The following TESC variants were observed in gnomAD, a reference collection of about 807,000 sequenced individuals.
TESC encodes calcineurin B homologous protein 3.
In TESC, 19 loss-of-function variants were observed where a neutral mutation model predicts 31.0. The observed-to-expected ratio is 0.61, with a 90% CI of 0.43 to 0.90. The LOEUF is 0.90. Ranked by LOEUF, TESC falls within the 40% of genes least tolerant of loss-of-function variation. TESC has a pLI of 0.00. For synonymous variants in TESC, 109 were observed against 114.8 expected (o/e 0.95, Z 0.32); for missense variants, 248 against 303.8 (o/e 0.82, Z 1.36).
chr12:117,091,834 A>G (rs1461671567), intron 1 of TESC, among the ~76,000 whole-genome samples: 1 of 152,148 alleles, frequency 6.6e-6, no homozygotes, highest in Non-Finnish European at 1.5e-5. Context: ...TTGGTAAACA[A>G]TGTGTGGAAC....
Position 117,039,016 on chromosome 12 carries a change from C to A in TESC, c.*117G>T. ...ACAAGACACAAGGTGCGCAGACGAG[C>A]CTTGGCTATGTACCGGCGCTGCAGG... On this transcript the variant is annotated 3_prime_UTR_variant, in exon 8 of 8. Coordinates refer to ENST00000335209, the MANE Select transcript of TESC (RefSeq NM_017899.4). 2 of 1,130,714 alleles carry A rather than the reference C, an allele frequency of 1.8e-6. No homozygotes were observed. The highest frequency in any genetic ancestry group is 1.3e-6 in the Non-Finnish European group (1 of 770,374). The allele number at this position is 1,130,714 out of a possible 1,614,324, so 70.0% of individuals were successfully genotyped here.
chr12:117,095,893 T>G (rs914146631), intron 1 of TESC, among the ~76,000 whole-genome samples: 3 of 151,390 alleles, frequency 2.0e-5, no homozygotes, highest in Non-Finnish European at 4.4e-5. Context: ...AACTAAAAAT[T>G]AAAAAAAACT....
intron 2 of TESC, among the ~76,000 whole-genome samples, chr12:117,062,785 TC>T (rs1219509436): frequency 6.6e-6 from 1 of 152,178 alleles, no homozygotes; most frequent in East Asian, 1.9e-4. Flanking sequence ...CCTCCCTAGG[TC>T]CCCGCCGGGC....
intron 2 of TESC, among the ~76,000 whole-genome samples, chr12:117,058,236 C>T (rs941365005): frequency 4.6e-5 from 7 of 151,874 alleles, no homozygotes; most frequent in South Asian, 2.1e-4. Flanking sequence ...TTTGAGACTC[C>T]GTCTCAAAAT....
At chr12:117,068,713 C>T (rs1053800654) in intron 2 of TESC, among the ~76,000 whole-genome samples, 2 of 152,140 alleles carry the variant, frequency 1.3e-5, no homozygotes, top group African/African-American at 2.4e-5. Flanking sequence ...CATTTACCTC[C>T]GGAATTACTC....
intron 3 of TESC, among the ~76,000 whole-genome samples, chr12:117,052,884 C>CT (rs1418986422): frequency 1.3e-5 from 2 of 152,174 alleles, no homozygotes; most frequent in Admixed American, 6.5e-5. Context: ...CCGGAATGAG[C>CT]TTTGCAAAAT....
chr12:117,040,136 G>A (rs1217355709), intron 7 of TESC, among the ~76,000 whole-genome samples: 2 of 152,248 alleles, frequency 1.3e-5, no homozygotes, highest in Non-Finnish European at 2.9e-5. Flanking sequence ...GCACCCAGGC[G>A]ACAGGGAGGC....
intron 1 of TESC, among the ~76,000 whole-genome samples, chr12:117,083,548 T>C (rs1955177259): frequency 6.6e-6 from 1 of 152,168 alleles, no homozygotes; most frequent in Admixed American, 6.5e-5. Context: ...TGACAGAACA[T>C]TATTCAGCAA....
At chr12:117,048,993 G>T in intron 4 of TESC, 26 bp downstream of exon 4, 1 of 1,613,962 alleles carries the variant, frequency 6.2e-7, no homozygotes, top group Non-Finnish European at 8.5e-7. Context: ...GGCCAGGTGT[G>T]AGCAAGGGGA....
At chr12:117,059,303 A>G (rs1954770856) in intron 2 of TESC, among the ~76,000 whole-genome samples, 1 of 152,184 alleles carries the variant, frequency 6.6e-6, no homozygotes, top group Non-Finnish European at 1.5e-5. Context: ...GCACAGCAGG[A>G]CCTGGCCGAT....
chr12:117,065,247 G>A (rs1021130699), intron 2 of TESC, among the ~76,000 whole-genome samples: 1 of 152,186 alleles, frequency 6.6e-6, no homozygotes, highest in East Asian at 1.9e-4. Flanking sequence ...AGGCTGTTGG[G>A]GTAGCCCAGG....
chr12:117,098,886 CG>C (rs1241729242), intron 1 of TESC, among the ~76,000 whole-genome samples: 2 of 151,656 alleles, frequency 1.3e-5, no homozygotes, highest in Non-Finnish European at 2.9e-5. Context: ...CGCGCGCCAG[CG>C]GGGGTGCCTG....
Position 117,064,406 on chromosome 12 carries a change from C to CG in TESC, c.129-7521dup, listed in dbSNP as rs1230411662. 3.3e-5 allele frequency among the ~76,000 whole-genome samples: 5 copies of CG among 152,316 alleles called. No individual in the cohort carries two copies. In the East Asian group the frequency reaches 9.6e-4, roughly 29 times the overall value. ...AATGCCTCTTTGAAAAGCTGGACAA[C>CG]GTCGCCAAGACCACTCCCCCAGGCA... is the stretch of plus-strand genomic sequence containing the variant. On this transcript the variant is annotated intron_variant, in intron 2 of 7. Transcript: ENST00000335209.
At chr12:117,091,143 G>A (rs149225436) in intron 1 of TESC, among the ~76,000 whole-genome samples, 1 of 152,314 alleles carries the variant, frequency 6.6e-6, no homozygotes, top group Non-Finnish European at 1.5e-5. Flanking sequence ...TCACCCACTC[G>A]ACCTTCTGGT....
chr12:117,047,492 T>C (rs1433109934), intron 4 of TESC, among the ~76,000 whole-genome samples: 1 of 152,150 alleles, frequency 6.6e-6, no homozygotes, highest in Non-Finnish European at 1.5e-5. Flanking sequence ...TGGCACGATC[T>C]GGGCTCTCTG....
intron 1 of TESC, among the ~76,000 whole-genome samples, chr12:117,076,636 G>A (rs1444395473): frequency 6.6e-6 from 1 of 152,186 alleles, no homozygotes; most frequent in Non-Finnish European, 1.5e-5. Flanking sequence ...CAGAGACGGG[G>A]TTTCGCCACG....
intron 2 of TESC, among the ~76,000 whole-genome samples, chr12:117,071,380 G>A (rs755119271): frequency 7.0e-4 from 106 of 152,220 alleles, no homozygotes; most frequent in Non-Finnish European, 1.3e-3. Flanking sequence ...GGATGTGGGG[G>A]CAGTTATAAT....
intron 1 of TESC, among the ~76,000 whole-genome samples, chr12:117,087,804 C>T (rs1481720661): frequency 1.3e-5 from 2 of 152,186 alleles, no homozygotes; most frequent in Admixed American, 1.3e-4. Context: ...GATCGCACCA[C>T]TGCACTCCAG....
rs375548355 is a variant in TESC at position 117,046,530 on chromosome 12, C to T, written c.519+29G>A. ...GACCATAAGCGGGAAAGGCACTGCG[C>T]GTCTCGGGAGGGCTGCAGGGGCGCT... On this transcript the variant is annotated intron_variant, in intron 6 of 7. Transcript: ENST00000335209. 3.9e-4 allele frequency: 602 copies of T among 1,535,432 alleles called. 1 individual carries two copies. In the African/African-American group the frequency reaches 7.4e-3, roughly 19 times the overall value.
Sources: allele counts gnomAD v4.1 joint callset (sites outside exome capture counted in the v4.1 genomes callset), GRCh38; gene constraint gnomAD v4.1.1; transcripts MANE v1.5; gene names NCBI Gene and HGNC (gene_info 2026-07-23, HGNC 2026-07-21).